The following ELP3 variants were observed in gnomAD, a reference collection of about 807,000 sequenced individuals.
The protein encoded by ELP3 is elongator complex protein 3.
In ELP3, 56 loss-of-function variants were observed where a neutral mutation model predicts 74.9. That is an observed-to-expected ratio of 0.75 (90% CI 0.60 to 0.93). ELP3 has a LOEUF of 0.93. Ranked by LOEUF, ELP3 falls within the 40% of genes least tolerant of loss-of-function variation. The probability of loss-of-function intolerance (pLI) is 0.00; values close to 1 mark genes in which losing one functional copy is unlikely to be tolerated. For synonymous variants in ELP3, 222 were observed against 239.8 expected (o/e 0.93, Z 0.68); for missense variants, 573 against 686.5 (o/e 0.83, Z 1.85).
chr8:28,179,349 G>C (rs1348637646), intron 14 of ELP3, among the ~76,000 whole-genome samples: 2 of 152,194 alleles, frequency 1.3e-5, no homozygotes, highest in African/African-American at 4.8e-5. Flanking sequence ...TATTTCGGTA[G>C]TTTGCACACA....
chr8:28,156,080 A>C (rs1345809450), intron 11 of ELP3, 48 bp downstream of exon 11: 1 of 1,505,868 alleles, frequency 6.6e-7, no homozygotes, highest in Admixed American at 1.7e-5. Flanking sequence ...GAAAAAGAGA[A>C]ATCTGAAACA....
intron 10 of ELP3, among the ~76,000 whole-genome samples, chr8:28,142,274 G>A (rs1047547504): frequency 5.4e-4 from 82 of 152,176 alleles, no homozygotes; most frequent in African/African-American, 1.8e-3. Flanking sequence ...TATGAGGCCT[G>A]TTAAGGAAAC....
chr8:28,115,119 G>GA (rs1299100946), intron 7 of ELP3, among the ~76,000 whole-genome samples: 2 of 152,164 alleles, frequency 1.3e-5, no homozygotes, highest in Admixed American at 6.5e-5. Flanking sequence ...GAAGAGCAGA[G>GA]AAAATCTCAG....
upstream of ELP3, among the ~76,000 whole-genome samples, chr8:28,090,933 G>A (rs1811035659): frequency 7.2e-6 from 1 of 139,854 alleles, no homozygotes; most frequent in Non-Finnish European, 1.5e-5. Flanking sequence ...TTGAGCCGGA[G>A]TCTCACTGTG....
In ELP3 at chr8:28,189,948, G is replaced by A; in HGVS notation, c.*223G>A. 2.2e-6 allele frequency: 1 copy of A among 460,394 alleles called. No homozygotes were observed. Among genetic ancestry groups the A allele is most frequent in the Non-Finnish European group, 3.9e-6 (1 of 257,958 alleles). The allele number at this position is 460,394 out of a possible 1,614,324, so 28.5% of individuals were successfully genotyped here. On this transcript the variant is annotated 3_prime_UTR_variant, in exon 15 of 15. Coordinates refer to ENST00000256398, the MANE Select transcript of ELP3 (RefSeq NM_018091.6). Reference sequence around the variant, plus strand: ...GCGTGCACCCCAAAAAATCACTTGCGTTTTTGAGGCTTAAATCATCTATCC... The same window carrying A: ...GCGTGCACCCCAAAAAATCACTTGCATTTTTGAGGCTTAAATCATCTATCC...
intron 7 of ELP3, among the ~76,000 whole-genome samples, chr8:28,128,549 G>A (rs563237203): frequency 6.6e-6 from 1 of 152,236 alleles, no homozygotes; most frequent in Non-Finnish European, 1.5e-5. Flanking sequence ...TAAGCAGTGT[G>A]GTAACTGGAA....
intron 10 of ELP3, among the ~76,000 whole-genome samples, chr8:28,145,618 G>A (rs1030174342): frequency 3.1e-5 from 4 of 128,266 alleles, no homozygotes; most frequent in African/African-American, 1.3e-4. Flanking sequence ...TGTGGAGAAG[G>A]ACCTTTTTTT....
intron 11 of ELP3, among the ~76,000 whole-genome samples, chr8:28,158,098 A>G (rs1410399503): frequency 1.4e-5 from 2 of 147,914 alleles, no homozygotes; most frequent in Non-Finnish European, 3.0e-5. Context: ...ATTTTTGGAT[A>G]TTCCTAAAAT....
At chr8:28,185,912 G>A (rs982411254) in intron 14 of ELP3, among the ~76,000 whole-genome samples, 3 of 152,174 alleles carry the variant, frequency 2.0e-5, no homozygotes, top group African/African-American at 7.2e-5. Flanking sequence ...TCCGAATTCT[G>A]ATTTTAAATA....
At chr8:28,094,708 C>T (rs1244854152) in intron 1 of ELP3, among the ~76,000 whole-genome samples, 1 of 151,894 alleles carries the variant, frequency 6.6e-6, no homozygotes, top group African/African-American at 2.4e-5. Flanking sequence ...CACCACTGCA[C>T]TCCAGCCTGG....
At chr8:28,106,819 T>C in intron 4 of ELP3, 36 bp downstream of exon 4, 1 of 1,551,732 alleles carries the variant, frequency 6.4e-7, no homozygotes, top group South Asian at 1.1e-5. Context: ...GTATGTATGT[T>C]TTAATTAAGC....
chr8:28,101,933 A>G lies in ELP3; in HGVS notation c.258+1967A>G, dbSNP rs144200299. Among the ~76,000 whole-genome samples the G allele has an allele frequency of 2.3e-3, 355 of 152,274 alleles. 1 individual carries two copies. The highest frequency in any genetic ancestry group is 8.1e-3 in the African/African-American group (338 of 41,546). ...ATTATGTGTGGGCTTGCCATTAAAG[A>G]AGACAGAAACTTAGCAACCTTTCAG... On this transcript the variant is annotated intron_variant, in intron 3 of 14. Transcript: ENST00000256398.
chr8:28,166,858 G>C (rs1814326896), intron 14 of ELP3, among the ~76,000 whole-genome samples: 1 of 152,208 alleles, frequency 6.6e-6, no homozygotes, highest in Admixed American at 6.5e-5. Context: ...CCAATCGTGT[G>C]ACTGTTTCAG....
intron 10 of ELP3, among the ~76,000 whole-genome samples, chr8:28,142,878 G>A (rs1041405740): frequency 3.3e-5 from 5 of 150,834 alleles, no homozygotes; most frequent in Non-Finnish European, 7.4e-5. Flanking sequence ...TTTTTTTAAC[G>A]TACCTTACTG....
At chr8:28,123,000 T>C (rs1812433082) in intron 7 of ELP3, among the ~76,000 whole-genome samples, 1 of 152,236 alleles carries the variant, frequency 6.6e-6, no homozygotes, top group African/African-American at 2.4e-5. Flanking sequence ...GGCACGCACC[T>C]GTAATCCCAG....
intron 3 of ELP3, among the ~76,000 whole-genome samples, chr8:28,102,214 CAGTT>C (rs1248390033): frequency 1.3e-5 from 2 of 152,186 alleles, no homozygotes; most frequent in Admixed American, 6.5e-5. Context: ...GTCAGATTGT[CAGTT>C]AGGCATCTGT....
chr8:28,095,083 A>G (rs1365947685), intron 1 of ELP3, among the ~76,000 whole-genome samples: 1 of 151,986 alleles, frequency 6.6e-6, no homozygotes, highest in Non-Finnish European at 1.5e-5. Flanking sequence ...CCTGTTAGAA[A>G]GCTGGATTTT....
At chr8:28,113,917 CAT>C (rs1668028298) in intron 7 of ELP3, 1 of 152,140 alleles carries the variant, frequency 6.6e-6, no homozygotes, top group South Asian at 2.1e-4. Flanking sequence ...TCTGTCAAAT[CAT>C]GTGTTATTCA....
intron 5 of ELP3, 86 bp downstream of exon 5, chr8:28,108,062 AT>A: frequency 8.2e-7 from 1 of 1,217,418 alleles, no homozygotes; most frequent in Non-Finnish European, 1.2e-6. Flanking sequence ...CTTTCTGACA[AT>A]TTTTTGTTTT....
Sources: allele counts gnomAD v4.1 joint callset (sites outside exome capture counted in the v4.1 genomes callset), GRCh38; gene constraint gnomAD v4.1.1; transcripts MANE v1.5; gene names NCBI Gene and HGNC (gene_info 2026-07-23, HGNC 2026-07-21).